Variants in UGT1A4 observed in about 807,000 individuals in gnomAD.
UGT1A4 encodes UDP-glucuronosyltransferase 1A4.
Under a neutral mutation model 41.1 loss-of-function variants are expected in UGT1A4, and 32 were observed. The ratio of observed to expected loss-of-function variants is 0.78; its 90% CI spans 0.59 to 1.05. The LOEUF (loss-of-function observed/expected upper bound fraction) is 1.05, where lower values mean the gene tolerates loss of function less well. Ranked by LOEUF, UGT1A4 falls within the 50% of genes least tolerant of loss-of-function variation. UGT1A4 has a pLI of 0.00. For synonymous variants in UGT1A4, 283 were observed against 265.1 expected (o/e 1.07, Z -0.66); for missense variants, 748 against 677.4 (o/e 1.10, Z -1.16).
intron 1 of UGT1A4, chr2:233,754,819 C>A (rs768110391): frequency 7.5e-7 from 1 of 1,334,292 alleles, no homozygotes; most frequent in Non-Finnish European, 1.0e-6. Flanking sequence ...AAACCACCCT[C>A]AAAAGCTGGA....
At position 233,724,298 on chromosome 2, in the gene UGT1A4, C is replaced by G. The variant is rs1308100434; in HGVS notation, c.867+4611C>G. Among the ~76,000 whole-genome samples, 14 of 143,328 alleles carry G rather than the reference C, an allele frequency of 9.8e-5. No individual in the cohort carries two copies. In the East Asian group the frequency reaches 3.1e-3, roughly 31 times the overall value. 94.0% of individuals were successfully genotyped at this position (143,328 alleles called of 152,430 possible). Reference sequence around the variant, plus strand: ...TGGCCGGGCGGGGGGCTGACCCCCCCACCTCCCTCCCGGACGGGGCGGCTG... The same window carrying G: ...TGGCCGGGCGGGGGGCTGACCCCCCGACCTCCCTCCCGGACGGGGCGGCTG... On this transcript the variant is annotated intron_variant, in intron 1 of 4. Transcript: ENST00000373409.
intron 1 of UGT1A4, chr2:233,743,649 C>G (rs754713764): frequency 8.0e-6 from 11 of 1,367,286 alleles, no homozygotes; most frequent in Non-Finnish European, 1.1e-5. Context: ...AAGCTGAAGA[C>G]GTACTCGAAG....
At chr2:233,731,097 C>T (rs1453448635) in intron 1 of UGT1A4, among the ~76,000 whole-genome samples, 1 of 151,946 alleles carries the variant, frequency 6.6e-6, no homozygotes, top group African/African-American at 2.4e-5. Context: ...ATTTCTGTGC[C>T]TTTTTTATAA....
intron 1 of UGT1A4, among the ~76,000 whole-genome samples, chr2:233,751,652 T>C (rs1459670013): frequency 2.0e-5 from 3 of 152,194 alleles, no homozygotes; most frequent in Non-Finnish European, 2.9e-5. Context: ...GCTGTTCTCA[T>C]CCTACTGAGT....
At position 233,719,057 on chromosome 2, in the gene UGT1A4, C is replaced by T. The variant is rs777947055; in HGVS notation, c.237C>T (p.Ala79=). 1.2e-6 allele frequency: 2 copies of T among 1,614,274 alleles called. No individual in the cohort carries two copies. The highest frequency in any genetic ancestry group is 2.2e-5 in the South Asian group (2 of 91,082). Residue 79 remains alanine, a synonymous_variant, in exon 1 of 5, where the codon GCC becomes GCT. Transcript: ENST00000373409. The stretch of plus-strand genomic sequence containing the variant: ...AAGAGAAATTTTTCACCCTGACAGC[C>T]TATGCTGTTCCATGGACCCAGAAGG... ...IKEEKFFTLT[A]YAVPWTQKEF...
At chr2:233,767,198 A>G in intron 2 of UGT1A4, 33 bp downstream of exon 2, 1 of 1,613,498 alleles carries the variant, frequency 6.2e-7, no homozygotes, top group Non-Finnish European at 8.5e-7. Flanking sequence ...CCTCATATCT[A>G]TTTTCACAGG....
rs1176429614 is a variant in UGT1A4, at chr2:233,757,538, ATATATATATATATATATATATATG to A, written c.868-9488_868-9465del. Among the ~76,000 whole-genome samples, 814 of 109,752 alleles carry A rather than the reference ATATATATATATATATATATATATG, an allele frequency of 7.4e-3. 44 individuals carry two copies. The highest frequency in any genetic ancestry group is 0.034 in the African/African-American group (774 of 22,608). The allele number at this position is 109,752 out of a possible 152,430, so 72.0% of individuals were successfully genotyped here. ...AGCCAAAATCTTGCCTGTAAGGAAT[ATATATATATATATATATATATATG>A]TATATATGATATAGCTATAGTCTAA... On this transcript the variant is annotated intron_variant, in intron 1 of 4. Coordinates refer to ENST00000373409, the MANE Select transcript of UGT1A4 (RefSeq NM_007120.3).
rs1171527500 is a variant in UGT1A4, at chr2:233,760,898, T to C, written c.868-6136T>C. 2 of 1,613,998 alleles carry C rather than the reference T, an allele frequency of 1.2e-6. No homozygotes were observed. Among genetic ancestry groups the C allele is most frequent in the Non-Finnish European group, 1.7e-6 (2 of 1,180,014 alleles). On this transcript the variant is annotated intron_variant, in intron 1 of 4. Transcript: ENST00000373409. ...CCTCTCTCCTCTCATTCAGATCACA[T>C]GACCTTCCTGCAGCGGGTGAAGAAC...
At position 233,768,261 on chromosome 2, in the gene UGT1A4, C is replaced by T; in HGVS notation, c.1129C>T (p.His377Tyr). The change falls in exon 4 of 5, where the codon CAT becomes TAT. Residue 377 changes from histidine to tyrosine, a missense_variant. His to Tyr is a moderately conservative substitution (Grantham distance 83). Coordinates refer to ENST00000373409, the MANE Select transcript of UGT1A4 (RefSeq NM_007120.3). ...TRAFITHAGS[H>Y]GVYESICNGV... ...TGCCTTTATCACCCATGCTGGTTCC[C>T]ATGGTGTTTATGAAAGCATATGCAA... 6.8e-6 allele frequency: 11 copies of T among 1,614,164 alleles called. No individual in the cohort carries two copies. Among genetic ancestry groups the T allele is most frequent in the Non-Finnish European group, 9.3e-6 (11 of 1,180,032 alleles).
intron 1 of UGT1A4, among the ~76,000 whole-genome samples, chr2:233,762,607 TTTG>T (rs1336079545): frequency 6.6e-6 from 1 of 152,220 alleles, no homozygotes; most frequent in Non-Finnish European, 1.5e-5. Flanking sequence ...TTCCAGGAGT[TTTG>T]TTGTTGTGAC....
At chr2:233,731,530 C>T (rs149780205) in intron 1 of UGT1A4, among the ~76,000 whole-genome samples, 2,259 of 152,174 alleles carry the variant, frequency 0.015, 22 homozygotes, top group Non-Finnish European at 0.022. Flanking sequence ...TGAGAACATG[C>T]GGTGTTTGGT....
At chr2:233,755,824 A>G (rs764510455) in intron 1 of UGT1A4, 1 of 152,240 alleles carries the variant, frequency 6.6e-6, no homozygotes, top group Admixed American at 6.5e-5. Context: ...TTAAAAAGAC[A>G]TATTCATTGG....
At chr2:233,737,076 G>C (rs183644627) in intron 1 of UGT1A4, among the ~76,000 whole-genome samples, 1 of 152,350 alleles carries the variant, frequency 6.6e-6, no homozygotes, top group East Asian at 1.9e-4. Flanking sequence ...CTTCAGAGCT[G>C]TCAGACAGGG....
At chr2:233,767,732 C>T (rs1041419428) in intron 2 of UGT1A4, 117 bp from the exon 3 acceptor site, 2 of 1,564,690 alleles carry the variant, frequency 1.3e-6, no homozygotes, top group Admixed American at 1.9e-5. Flanking sequence ...ACTGATCCTC[C>T]CACTCTGTTA....
At chr2:233,728,971 A>T (rs1249154361) in intron 1 of UGT1A4, 11 of 1,483,052 alleles carry the variant, frequency 7.4e-6, no homozygotes. Context: ...ACAGTGATAG[A>T]TTAATGGTTA....
intron 1 of UGT1A4, among the ~76,000 whole-genome samples, chr2:233,730,664 G>A (rs11891311): frequency 0.41 from 62,447 of 151,822 alleles, 13,776 homozygotes; most frequent in African/African-American, 0.57. Context: ...GAGTTCGGAA[G>A]GCAAAGTAAT....
At chr2:233,724,314 G>C (rs1472414004) in intron 1 of UGT1A4, among the ~76,000 whole-genome samples, 1 of 144,282 alleles carries the variant, frequency 6.9e-6, no homozygotes, top group African/African-American at 2.6e-5. Flanking sequence ...CCTCCCGGAC[G>C]GGGCGGCTGG....
chr2:233,734,945 G>A (rs141411255), intron 1 of UGT1A4, among the ~76,000 whole-genome samples: 9,860 of 152,158 alleles, frequency 0.065, 535 homozygotes, highest in African/African-American at 0.16. Context: ...CATATGGTCA[G>A]TTTTAGAATA....
In UGT1A4 at chr2:233,767,094, T is replaced by A; in HGVS notation, c.928T>A (p.Ser310Thr). 3 of 1,614,120 alleles carry A rather than the reference T, an allele frequency of 1.9e-6. No homozygotes were observed. The highest frequency in any genetic ancestry group is 2.5e-6 in the Non-Finnish European group (3 of 1,180,014). ...EHGIVVFSLG[S>T]MVSEIPEKKA... ...TGGAATTGTGGTTTTCTCTTTGGGA[T>A]CAATGGTCTCAGAAATTCCAGAGAA... Residue 310 changes from serine (S) to threonine (T), a missense_variant, in exon 2 of 5, where the codon TCA (serine) becomes ACA (threonine). Transcript: ENST00000373409.
Sources: gnomAD v4.1 joint callset for allele counts (sites outside exome capture counted in the v4.1 genomes callset) on GRCh38, gnomAD v4.1.1 for gene constraint, MANE v1.5 for transcripts, NCBI Gene and HGNC (gene_info 2026-07-23, HGNC 2026-07-21) for gene names.